FHIT: variants seen among roughly 807,000 people sequenced by gnomAD.
FHIT encodes bis(5'-adenosyl)-triphosphatase.
A neutral mutation model predicts 17.9 loss-of-function variants in FHIT; 19 were observed. The ratio of observed to expected loss-of-function variants is 1.06; its 90% confidence interval spans 0.74 to 1.56. The LOEUF (loss-of-function observed/expected upper bound fraction) is 1.56. Ranked by LOEUF, FHIT falls within the 40% of genes most tolerant of loss-of-function variation. FHIT has a pLI of 0.00. For synonymous variants in FHIT, 81 were observed against 69.7 expected (o/e 1.16, Z -0.81); for missense variants, 248 against 189.2 (o/e 1.31, Z -1.82).
intron 4 of FHIT, among the ~76,000 whole-genome samples, chr3:60,710,410 G>C (rs782360347): frequency 6.6e-6 from 1 of 152,234 alleles, no homozygotes; most frequent in Non-Finnish European, 1.5e-5. Flanking sequence ...GGGAGTGCCA[G>C]ACAGTGGGCG....
chr3:61,048,691 C>A (rs966199877), intron 2 of FHIT, among the ~76,000 whole-genome samples: 1 of 152,080 alleles, frequency 6.6e-6, no homozygotes, highest in East Asian at 1.9e-4. Flanking sequence ...ATGTTTATTG[C>A]GGCACGATTC....
chr3:59,850,740 CAT>C (rs1701900607), intron 8 of FHIT, among the ~76,000 whole-genome samples: 1 of 152,224 alleles, frequency 6.6e-6, no homozygotes, highest in Admixed American at 6.5e-5. Flanking sequence ...AGGACTCACA[CAT>C]GTCTGAGAAA....
At chr3:60,003,797 T>C (rs1200523950) in intron 7 of FHIT, among the ~76,000 whole-genome samples, 2 of 150,934 alleles carry the variant, frequency 1.3e-5, no homozygotes, top group Middle Eastern at 3.5e-3. Context: ...AATTGGCCAC[T>C]AATATTTAAT....
intron 3 of FHIT, among the ~76,000 whole-genome samples, chr3:60,847,503 A>T (rs761734687): frequency 1.5e-4 from 23 of 152,140 alleles, no homozygotes; most frequent in Admixed American, 1.2e-3. Context: ...ATCAGGCTCA[A>T]ATCACAGGGC....
At chr3:60,956,580 A>G (rs1709171275) in intron 3 of FHIT, among the ~76,000 whole-genome samples, 1 of 152,170 alleles carries the variant, frequency 6.6e-6, no homozygotes, top group Admixed American at 6.5e-5. Context: ...CCCAGAGGGG[A>G]AAAAGAATCT....
chr3:60,870,322 T>G (rs890923302), intron 3 of FHIT, among the ~76,000 whole-genome samples: 3 of 152,106 alleles, frequency 2.0e-5, no homozygotes, highest in Non-Finnish European at 2.9e-5. Flanking sequence ...TTAACATGTT[T>G]ATGGGTAGAA....
At chr3:61,042,133 T>C (rs893250812) in intron 2 of FHIT, 34 bp from the exon 3 acceptor site, 1 of 152,180 alleles carries the variant, frequency 6.6e-6, no homozygotes, top group Non-Finnish European at 1.5e-5. Flanking sequence ...ATGGGAGACA[T>C]ATGAAATATC....
chr3:60,257,076 T>C (rs1206020341), intron 5 of FHIT, among the ~76,000 whole-genome samples: 2 of 152,194 alleles, frequency 1.3e-5, no homozygotes, highest in East Asian at 3.9e-4. Flanking sequence ...TTTGCCTCCA[T>C]TTTCACACAC....
At position 60,445,487 on chromosome 3, in the gene FHIT, A is replaced by G. The variant is rs936584119; in HGVS notation, c.103+91373T>C. ...ATAAAAAGAAGAAGAAGAAGAAAAA[A>G]AAAAGAAACAAAGTAATGGCTCTTC... On this transcript the variant is annotated intron_variant, in intron 5 of 9. Transcript: ENST00000492590. Among the ~76,000 whole-genome samples, 678 of 152,238 alleles carry G rather than the reference A, an allele frequency of 4.5e-3. 9 individuals carry two copies. The highest frequency in any genetic ancestry group is 0.015 in the African/African-American group (644 of 41,560).
intron 4 of FHIT, among the ~76,000 whole-genome samples, chr3:60,778,225 C>T (rs1416101403): frequency 1.3e-5 from 2 of 152,274 alleles, no homozygotes; most frequent in East Asian, 3.9e-4. Flanking sequence ...TAGTAAACCA[C>T]GGAGATAACT....
chr3:60,358,884 G>C (rs1559850158), intron 5 of FHIT, among the ~76,000 whole-genome samples: 1 of 152,202 alleles, frequency 6.6e-6, no homozygotes, highest in Admixed American at 6.5e-5. Context: ...CTAACTCATA[G>C]AATTGATGGA....
chr3:59,821,805 T>A (rs897874947), intron 8 of FHIT, among the ~76,000 whole-genome samples: 1 of 152,186 alleles, frequency 6.6e-6, no homozygotes, highest in African/African-American at 2.4e-5. Flanking sequence ...TATTTTTAAT[T>A]TTTTTATTTC....
intron 4 of FHIT, among the ~76,000 whole-genome samples, chr3:60,639,629 C>T (rs192951018): frequency 2.0e-5 from 3 of 152,212 alleles, no homozygotes; most frequent in Non-Finnish European, 4.4e-5. Context: ...ATACTGTATC[C>T]ACCTGCCAGA....
At chr3:60,235,858 G>T (rs1704757481) in intron 5 of FHIT, among the ~76,000 whole-genome samples, 1 of 152,122 alleles carries the variant, frequency 6.6e-6, no homozygotes, top group African/African-American at 2.4e-5. Flanking sequence ...GATCCTCCCA[G>T]TGTTTGAATT....
chr3:59,904,727 G>C (rs924383251), intron 8 of FHIT, among the ~76,000 whole-genome samples: 1 of 152,190 alleles, frequency 6.6e-6, no homozygotes, highest in African/African-American at 2.4e-5. Flanking sequence ...GGAGGGCAGG[G>C]AAGAATTTTA....
intron 5 of FHIT, among the ~76,000 whole-genome samples, chr3:60,384,302 A>G (rs972135231): frequency 1.3e-5 from 2 of 152,224 alleles, no homozygotes; most frequent in African/African-American, 4.8e-5. Context: ...AATTTTTAAT[A>G]GAGACTATTA....
intron 1 of FHIT, among the ~76,000 whole-genome samples, chr3:61,245,552 G>A (rs1226656302): frequency 6.6e-6 from 1 of 152,112 alleles, no homozygotes; most frequent in Non-Finnish European, 1.5e-5. Context: ...AATTTAATCA[G>A]AATCTGCATT....
chr3:60,322,259 A>ACATT (rs1709467727), intron 5 of FHIT, among the ~76,000 whole-genome samples: 1 of 152,226 alleles, frequency 6.6e-6, no homozygotes, highest in African/African-American at 2.4e-5. Context: ...TTTTTCTAAT[A>ACATT]GTAGTACATC....
chr3:60,420,319 AG>A (rs1233255407), intron 5 of FHIT, among the ~76,000 whole-genome samples: 1 of 152,182 alleles, frequency 6.6e-6, no homozygotes, highest in Non-Finnish European at 1.5e-5. Flanking sequence ...TGTATAACAC[AG>A]TTCATTCAAC....
Sources: allele counts gnomAD v4.1 joint callset (sites outside exome capture counted in the v4.1 genomes callset), GRCh38; gene constraint gnomAD v4.1.1; transcripts MANE v1.5; gene names NCBI Gene and HGNC (gene_info 2026-07-23, HGNC 2026-07-21).